Variants in MYT1L observed in about 807,000 individuals in gnomAD.
The protein encoded by MYT1L is myelin transcription factor 1 like, also known as myelin transcription factor 1-like protein.
In MYT1L, 12 loss-of-function variants were observed where a neutral mutation model predicts 126.7. The ratio of observed to expected loss-of-function variants is 0.09; its 90% CI spans 0.06 to 0.15. MYT1L has a LOEUF of 0.15. Among genes scored for constraint, MYT1L ranks in the 10% least tolerant of loss-of-function variants. The pLI is 1.00. For synonymous variants in MYT1L, 541 were observed against 604.2 expected (o/e 0.90, Z 1.53); for missense variants, 979 against 1,585.2 (o/e 0.62, Z 6.49).
In MYT1L at chr2:1,943,345, A is replaced by C. The variant is rs1208721935; in HGVS notation, c.153-11T>G. The C allele has an allele frequency of 1.3e-6, 2 of 1,536,218 alleles. No homozygotes were observed. Among genetic ancestry groups the C allele is most frequent in the Non-Finnish European group, 1.7e-6 (2 of 1,143,204 alleles). ...GGACAACCATATACACTAATTAAAAAAATAGAGAAGGCAGGGGAGAGAGAG... is the reference window on the plus strand; with the variant it reads ...GGACAACCATATACACTAATTAAAACAATAGAGAAGGCAGGGGAGAGAGAG... On this transcript the variant is annotated splice_polypyrimidine_tract_variant and intron_variant, in intron 8 of 24. Coordinates refer to ENST00000647738, the MANE Select transcript of MYT1L (RefSeq NM_001303052.2). This position sits in a 1 kb window ranked among gnomAD's most constrained non-coding sequence, Gnocchi z 4.4.
At chr2:2,072,943 T>C (rs2074777261) in intron 3 of MYT1L, among the ~76,000 whole-genome samples, 1 of 152,188 alleles carries the variant, frequency 6.6e-6, no homozygotes, top group African/African-American at 2.4e-5. Context: ...AATGGACCAA[T>C]GCAAACTCCA....
rs566134192 is a variant in MYT1L at position 2,003,515 on chromosome 2, C to T, written c.-157-6168G>A. On this transcript the variant is annotated intron_variant, in intron 4 of 24. Transcript: ENST00000647738. ...CCCTCCTGCTGTGTGGCTTGATTCC[C>T]ACTGATGGACCATGGCCTGTGGGCC... Among the ~76,000 whole-genome samples, 4 of 152,334 alleles carry T rather than the reference C, an allele frequency of 2.6e-5. No homozygotes were observed. In the East Asian group the frequency reaches 5.8e-4, roughly 22 times the overall value.
chr2:2,308,250 C>G (rs182379906), intron 1 of MYT1L, among the ~76,000 whole-genome samples: 2 of 152,062 alleles, frequency 1.3e-5, no homozygotes, highest in Non-Finnish European at 2.9e-5. Context: ...TATACTCTAT[C>G]TACACTCCAC....
chr2:1,910,805 C>T lies in MYT1L; in HGVS notation c.1710-458G>A, dbSNP rs2051858883. Among the ~76,000 whole-genome samples, 2 of 152,218 alleles carry T rather than the reference C, an allele frequency of 1.3e-5. No homozygotes were observed. Among genetic ancestry groups the T allele is most frequent in the South Asian group, 4.1e-4 (2 of 4,822 alleles). ...GCTATTGACTGTGGCGTCTGGGGGG[C>T]CTGTCTGACTTTAGCCCTTTGGTGT... On this transcript the variant is annotated intron_variant, in intron 12 of 24. Coordinates refer to ENST00000647738, the MANE Select transcript of MYT1L (RefSeq NM_001303052.2). This position sits in a 1 kb window ranked among gnomAD's most constrained non-coding sequence, Gnocchi z 4.8.
intron 3 of MYT1L, among the ~76,000 whole-genome samples, chr2:2,150,724 C>T (rs1259466385): frequency 6.6e-6 from 1 of 151,810 alleles, no homozygotes; most frequent in African/African-American, 2.4e-5. Context: ...TATTTTTCTA[C>T]AAAGATTCGA....
chr2:2,327,657 T>A (rs1389814853), intron 1 of MYT1L, among the ~76,000 whole-genome samples: 1 of 152,170 alleles, frequency 6.6e-6, no homozygotes, highest in Non-Finnish European at 1.5e-5. Context: ...TGCATCAAGG[T>A]AGACTTCCTG....
At position 2,287,925 on chromosome 2, in the gene MYT1L, A is replaced by G. The variant is rs7574393; in HGVS notation, c.-520-3422T>C. Among the ~76,000 whole-genome samples, 776 of 152,340 alleles carry G rather than the reference A, an allele frequency of 5.1e-3. 7 individuals carry two copies. The highest frequency in any genetic ancestry group is 0.017 in the African/African-American group (720 of 41,574). Reference sequence around the variant, plus strand: ...ACCTACTGGAGATTTAAGTAGAGTAATAGCTAAACACAAGGCCTTACATTA... The same window carrying G: ...ACCTACTGGAGATTTAAGTAGAGTAGTAGCTAAACACAAGGCCTTACATTA... On this transcript the variant is annotated intron_variant, in intron 1 of 24. Transcript: ENST00000647738.
rs1324857865 is a variant in MYT1L, at chr2:2,239,870, A to C, written c.-421+44534T>G. ...AGAGAGCTGCTGTGGGGAGCTCTTGAGTCTTCTCTCTGCCCCCGGGTCCCC... is the reference window on the plus strand; with the variant it reads ...AGAGAGCTGCTGTGGGGAGCTCTTGCGTCTTCTCTCTGCCCCCGGGTCCCC... On this transcript the variant is annotated intron_variant, in intron 2 of 24. Coordinates refer to ENST00000647738, the MANE Select transcript of MYT1L (RefSeq NM_001303052.2). Among the ~76,000 whole-genome samples, 4 of 150,698 alleles carry C rather than the reference A, an allele frequency of 2.7e-5. No individual in the cohort carries two copies. In the East Asian group the frequency reaches 8.1e-4, roughly 31 times the overall value.
rs564933833 is a variant in MYT1L, at chr2:2,079,544, G to A, written c.-303-25421C>T. On this transcript the variant is annotated intron_variant, in intron 3 of 24. Coordinates refer to ENST00000647738, the MANE Select transcript of MYT1L (RefSeq NM_001303052.2). ...ATCTTGGCCTGGTGCGGTGGCTCACGCCTGTAATCCCAGCACTGTGGGAGG... is the reference window on the plus strand; with the variant it reads ...ATCTTGGCCTGGTGCGGTGGCTCACACCTGTAATCCCAGCACTGTGGGAGG... Among the ~76,000 whole-genome samples, 780 of 152,292 alleles carry A rather than the reference G, an allele frequency of 5.1e-3. 5 individuals carry two copies. Among genetic ancestry groups the A allele is most frequent in the African/African-American group, 0.017 (725 of 41,554 alleles).
chr2:1,968,178 G>A (rs568009708), intron 8 of MYT1L, among the ~76,000 whole-genome samples: 2 of 152,284 alleles, frequency 1.3e-5, no homozygotes, highest in African/African-American at 4.8e-5. Context: ...TCCCCGTTGA[G>A]GTTGGACTAA....
chr2:2,095,719 C>T (rs2077384056), intron 3 of MYT1L, among the ~76,000 whole-genome samples: 2 of 152,184 alleles, frequency 1.3e-5, no homozygotes, highest in South Asian at 4.1e-4. Context: ...CCATCCTCAC[C>T]TGAATAAATA....
rs144143461 is a variant in MYT1L at position 2,179,990 on chromosome 2, C to T, written c.-420-7002G>A. ...TCTGAATGATCAATGAGGTCATCCTCTCGCTGATCCGTTCATACCTTCACA... is the reference window on the plus strand; with the variant it reads ...TCTGAATGATCAATGAGGTCATCCTTTCGCTGATCCGTTCATACCTTCACA... On this transcript the variant is annotated intron_variant, in intron 2 of 24. Transcript: ENST00000647738. Among the ~76,000 whole-genome samples, 935 of 152,300 alleles carry T rather than the reference C, an allele frequency of 6.1e-3. 6 individuals are homozygous for T. The highest frequency in any genetic ancestry group is 0.021 in the African/African-American group (886 of 41,560).
chr2:2,224,473 T>A lies in MYT1L; in HGVS notation c.-420-51485A>T, dbSNP rs7566768. Among the ~76,000 whole-genome samples the A allele has an allele frequency of 0.73, 110,492 of 152,028 alleles. 40,451 individuals are homozygous for A. Among genetic ancestry groups the A allele is most frequent in the East Asian group, 0.78 (4,033 of 5,148 alleles). ...GCCAGTGAGAAGAAAAGGAATTAGA[T>A]TAGGTTCAGCCTCATCGCACCCCAT... On this transcript the variant is annotated intron_variant, in intron 2 of 24. Coordinates refer to ENST00000647738, the MANE Select transcript of MYT1L (RefSeq NM_001303052.2). This position sits in a 1 kb window ranked among gnomAD's most constrained non-coding sequence, Gnocchi z 4.0.
chr2:2,293,715 C>T (rs535842285), intron 1 of MYT1L, among the ~76,000 whole-genome samples: 23 of 152,300 alleles, frequency 1.5e-4, no homozygotes, highest in East Asian at 9.7e-4. Context: ...ACCTGCCCCT[C>T]GGCCTGGGGC....
At chr2:2,262,520 G>A (rs751891615) in intron 2 of MYT1L, among the ~76,000 whole-genome samples, 1 of 151,814 alleles carries the variant, frequency 6.6e-6, no homozygotes, top group Non-Finnish European at 1.5e-5. Context: ...GTGAAACCCC[G>A]TCTCTACTAA....
intron 2 of MYT1L, among the ~76,000 whole-genome samples, chr2:2,281,755 G>A (rs2095449646): frequency 6.6e-6 from 1 of 152,148 alleles, no homozygotes; most frequent in African/African-American, 2.4e-5. Flanking sequence ...ATTAGACATA[G>A]TCTGTATCTC....
chr2:2,162,969 T>C (rs1330554491), intron 3 of MYT1L, among the ~76,000 whole-genome samples: 21 of 152,166 alleles, frequency 1.4e-4, no homozygotes, highest in Admixed American at 6.5e-5. Context: ...ATAAATTTAC[T>C]GCCCGCACTG....
chr2:1,916,843 T>C (rs572787204), intron 11 of MYT1L, among the ~76,000 whole-genome samples: 1 of 152,294 alleles, frequency 6.6e-6, no homozygotes, highest in African/African-American at 2.4e-5. Context: ...TTCCTGGCAG[T>C]TTCATGCTGG....
At chr2:2,077,272 A>C (rs2075332676) in intron 3 of MYT1L, among the ~76,000 whole-genome samples, 1 of 152,204 alleles carries the variant, frequency 6.6e-6, no homozygotes, top group Non-Finnish European at 1.5e-5. Flanking sequence ...AGGGGGGACA[A>C]AATTATTTGA....
Sources: gnomAD v4.1 joint callset for allele counts (sites outside exome capture counted in the v4.1 genomes callset) on GRCh38, gnomAD v4.1.1 for gene constraint, Gnocchi (gnomAD v3.1) non-coding constraint, MANE v1.5 for transcripts, NCBI Gene and HGNC (gene_info 2026-07-23, HGNC 2026-07-21) for gene names.